CHD7: variants seen among roughly 807,000 people sequenced by gnomAD.
The protein encoded by CHD7 is ATP-dependent chromatin remodeler CHD7.
In CHD7, 24 loss-of-function variants were observed where a neutral mutation model predicts 307.3. The observed-to-expected ratio is 0.08, with a 90% CI of 0.06 to 0.11. The LOEUF (loss-of-function observed/expected upper bound fraction) is 0.11. CHD7 is among the 10% of genes least tolerant of loss of function. The probability of loss-of-function intolerance (pLI) is 1.00; values close to 1 mark genes in which losing one functional copy is unlikely to be tolerated. For synonymous variants in CHD7, 1,363 were observed against 1,349.9 expected (o/e 1.01, Z -0.21); for missense variants, 3,106 against 3,727.1 (o/e 0.83, Z 4.34).
intron 1 of CHD7, among the ~76,000 whole-genome samples, chr8:60,738,566 G>C (rs1808825839): frequency 6.6e-6 from 1 of 152,134 alleles, no homozygotes; most frequent in Admixed American, 6.5e-5. Flanking sequence ...GGGAAAGTGG[G>C]CATTCAGATG....
chr8:60,801,637 C>T (rs755749926), intron 6 of CHD7, 44 bp downstream of exon 6: 6 of 1,227,910 alleles, frequency 4.9e-6, no homozygotes. Flanking sequence ...GTGTATGTGA[C>T]TCTTACAGGA....
chr8:60,720,360 T>TGG (rs1303872149), intron 1 of CHD7, among the ~76,000 whole-genome samples: 1 of 152,242 alleles, frequency 6.6e-6, no homozygotes, highest in Admixed American at 6.5e-5. Context: ...TAAATGTTCC[T>TGG]GGATTGGCCC....
intron 17 of CHD7, 51 bp from the exon 18 acceptor site, chr8:60,837,617 A>G (rs1007479608): frequency 5.6e-6 from 8 of 1,419,184 alleles, no homozygotes; most frequent in Non-Finnish European, 3.8e-6. Context: ...TGGTGGGGAG[A>G]CAGAAACATT....
At chr8:60,746,959 A>G (rs996756007) in intron 2 of CHD7, among the ~76,000 whole-genome samples, 3 of 152,236 alleles carry the variant, frequency 2.0e-5, no homozygotes, top group Non-Finnish European at 4.4e-5. Context: ...TCAGACCTCT[A>G]CACATTCTTA....
At chr8:60,785,694 T>C (rs577589335) in intron 3 of CHD7, among the ~76,000 whole-genome samples, 52 of 152,336 alleles carry the variant, frequency 3.4e-4, no homozygotes, top group African/African-American at 1.2e-3. Flanking sequence ...AATTTCTTAA[T>C]AGAGATTAGG....
chr8:60,813,891 CTCTT>C (rs1456043598), intron 7 of CHD7, among the ~76,000 whole-genome samples: 1 of 151,592 alleles, frequency 6.6e-6, no homozygotes, highest in Non-Finnish European at 1.5e-5. Flanking sequence ...AAGGGATATG[CTCTT>C]TCTTTTTTAA....
intron 2 of CHD7, among the ~76,000 whole-genome samples, chr8:60,758,704 CA>C (rs1465024052): frequency 1.3e-5 from 2 of 152,030 alleles, no homozygotes; most frequent in African/African-American, 4.8e-5. Flanking sequence ...CTTAAAAAAA[CA>C]AAAAGGGTGG....
intron 1 of CHD7, among the ~76,000 whole-genome samples, chr8:60,681,334 C>T (rs983143575): frequency 6.6e-6 from 1 of 152,152 alleles, no homozygotes; most frequent in Non-Finnish European, 1.5e-5. Flanking sequence ...GTGTTTTTGT[C>T]TTGCTGTTGC....
intron 1 of CHD7, among the ~76,000 whole-genome samples, chr8:60,718,245 G>C (rs554769963): frequency 5.9e-5 from 9 of 152,338 alleles, no homozygotes; most frequent in African/African-American, 1.9e-4. Context: ...GGGAGGCTAA[G>C]GTGGGTGGAT....
At chr8:60,735,463 C>T (rs932340415) in intron 1 of CHD7, among the ~76,000 whole-genome samples, 8 of 152,048 alleles carry the variant, frequency 5.3e-5, no homozygotes, top group Non-Finnish European at 1.0e-4. Context: ...ACAAACAGAC[C>T]TTAGAAGGAC....
At position 60,741,533 on chromosome 8, in the gene CHD7, T is replaced by C; in HGVS notation, c.101T>C (p.Val34Ala). 1 of 1,613,448 alleles carries C rather than the reference T, an allele frequency of 6.2e-7. No individual in the cohort carries two copies. Among genetic ancestry groups the C allele is most frequent in the Non-Finnish European group, 8.5e-7 (1 of 1,179,656 alleles). The change falls in exon 2 of 38, where the codon GTA becomes GCA. Residue 34 changes from valine to alanine, a missense_variant. Transcript: ENST00000423902. ...LGECGYPENP[V>A]NPMGQQMPID... is the part of the protein sequence containing the mutation. Reference sequence around the variant, plus strand: ...GAATGTGGTTACCCGGAAAATCCAGTAAATCCTATGGGTCAGCAAATGCCA... The same window carrying C: ...GAATGTGGTTACCCGGAAAATCCAGCAAATCCTATGGGTCAGCAAATGCCA...
At chr8:60,780,440 G>A (rs769297029) in intron 2 of CHD7, among the ~76,000 whole-genome samples, 2 of 152,150 alleles carry the variant, frequency 1.3e-5, no homozygotes, top group Non-Finnish European at 2.9e-5. Flanking sequence ...TTGGGTATGT[G>A]CTTTTAATTT....
intron 7 of CHD7, among the ~76,000 whole-genome samples, chr8:60,813,948 T>C (rs1023201151): frequency 1.3e-5 from 2 of 151,964 alleles, no homozygotes; most frequent in Non-Finnish European, 2.9e-5. Flanking sequence ...TCATAAAGAG[T>C]AGTTACATTT....
At chr8:60,712,480 A>G (rs896305076) in intron 1 of CHD7, among the ~76,000 whole-genome samples, 2 of 152,214 alleles carry the variant, frequency 1.3e-5, no homozygotes, top group Admixed American at 1.3e-4. Flanking sequence ...GCCCTCCTGC[A>G]TCGGATGCCT....
At chr8:60,689,925 C>T (rs1806111373) in intron 1 of CHD7, among the ~76,000 whole-genome samples, 1 of 152,212 alleles carries the variant, frequency 6.6e-6, no homozygotes, top group Admixed American at 6.5e-5. Context: ...GCATCTTTAT[C>T]TCGCTGCACA....
At chr8:60,796,783 A>G (rs2150701599) in intron 4 of CHD7, among the ~76,000 whole-genome samples, 1 of 152,310 alleles carries the variant, frequency 6.6e-6, no homozygotes, top group Non-Finnish European at 1.5e-5. Flanking sequence ...TTTTCTTGGT[A>G]TGTCTGACAC....
chr8:60,689,803 C>G (rs188059853), intron 1 of CHD7, among the ~76,000 whole-genome samples: 9 of 152,326 alleles, frequency 5.9e-5, no homozygotes, highest in Admixed American at 5.9e-4. Context: ...GTGCTCTAAC[C>G]CTGTTTTCAC....
chr8:60,834,422 G>A (rs1453837253), intron 15 of CHD7, among the ~76,000 whole-genome samples: 5 of 152,180 alleles, frequency 3.3e-5, no homozygotes, highest in African/African-American at 9.7e-5. Context: ...GATACCTAAT[G>A]TAACGTGCAC....
chr8:60,805,615 A>G (rs952680146), intron 6 of CHD7, among the ~76,000 whole-genome samples: 1 of 152,212 alleles, frequency 6.6e-6, no homozygotes, highest in African/African-American at 2.4e-5. Flanking sequence ...TTCTGGGAAC[A>G]GACTTGAGAC....
Sources: allele counts gnomAD v4.1 joint callset (sites outside exome capture counted in the v4.1 genomes callset), GRCh38; gene constraint gnomAD v4.1.1; transcripts MANE v1.5; gene names NCBI Gene and HGNC (gene_info 2026-07-23, HGNC 2026-07-21).